BMERB1: variants seen among roughly 807,000 people sequenced by gnomAD.
The protein encoded by BMERB1 is bMERB domain containing 1, also known as bMERB domain-containing protein 1.
BMERB1 carries 12 observed loss-of-function variants against 23.6 expected under a neutral mutation model. The ratio of observed to expected loss-of-function variants is 0.51; its 90% CI spans 0.33 to 0.82. BMERB1 has a LOEUF of 0.82. Ranked by LOEUF, BMERB1 falls within the 40% of genes least tolerant of loss-of-function variation. BMERB1 has a pLI of 0.03. For missense variants in BMERB1, 247 were observed against 255.4 expected, an observed-to-expected ratio of 0.97 and a Z score of 0.22; for synonymous variants, 122 against 96.6, an observed-to-expected ratio of 1.26 and a Z score of -1.54.
chr16:15,543,320 A>G (rs2052103981), intron 2 of BMERB1, among the ~76,000 whole-genome samples: 1 of 151,946 alleles, frequency 6.6e-6, no homozygotes, highest in Non-Finnish European at 1.5e-5. Flanking sequence ...AGGGCATAGG[A>G]TGGGGGCAGG....
In BMERB1 at chr16:15,498,545, G is replaced by A. The variant is rs554912198; in HGVS notation, c.107-16760G>A. On this transcript the variant is annotated intron_variant, in intron 1 of 5. Coordinates refer to ENST00000300006, the MANE Select transcript of BMERB1 (RefSeq NM_033201.3). ...TTTCAGATAAAAAGAGGAAAGGAAA[G>A]AAAGGAAAAAAGAAAGGAAAGGGGC... Among the ~76,000 whole-genome samples, 3 of 148,246 alleles carry A rather than the reference G, an allele frequency of 2.0e-5. No homozygotes were observed. In the East Asian group the frequency reaches 5.9e-4, roughly 29 times the overall value.
At chr16:15,554,403 A>G (rs2150967320) in intron 2 of BMERB1, among the ~76,000 whole-genome samples, 1 of 152,322 alleles carries the variant, frequency 6.6e-6, no homozygotes, top group South Asian at 2.1e-4. Context: ...AGAGCCTGAC[A>G]CCAATCATAT....
At chr16:15,549,540 G>C (rs555869971) in intron 2 of BMERB1, among the ~76,000 whole-genome samples, 1 of 151,572 alleles carries the variant, frequency 6.6e-6, no homozygotes, top group Non-Finnish European at 1.5e-5. Context: ...TTAGCTGGGC[G>C]TGGTGGCGGG....
At chr16:15,441,042 G>C (rs2150920696) in intron 1 of BMERB1, among the ~76,000 whole-genome samples, 1 of 152,270 alleles carries the variant, frequency 6.6e-6, no homozygotes, top group South Asian at 2.1e-4. Context: ...GAAGGCCAGG[G>C]TGGCTGGAAC....
At chr16:15,514,519 G>C (rs779720733) in intron 1 of BMERB1, among the ~76,000 whole-genome samples, 1 of 151,976 alleles carries the variant, frequency 6.6e-6, no homozygotes, top group Non-Finnish European at 1.5e-5. Context: ...AGCCAGGCGT[G>C]GTGGCCTCAC....
At chr16:15,553,200 G>A (rs1211641643) in intron 2 of BMERB1, among the ~76,000 whole-genome samples, 1 of 152,190 alleles carries the variant, frequency 6.6e-6, no homozygotes, top group Non-Finnish European at 1.5e-5. Context: ...TAGAGATGGA[G>A]TTTCGCCATG....
At chr16:15,465,230 C>T (rs2051170762) in intron 1 of BMERB1, among the ~76,000 whole-genome samples, 1 of 152,172 alleles carries the variant, frequency 6.6e-6, no homozygotes, top group Non-Finnish European at 1.5e-5. Context: ...TTTAGGACCT[C>T]TCTGACATAC....
chr16:15,481,233 A>C (rs897554967), intron 1 of BMERB1, among the ~76,000 whole-genome samples: 2 of 152,112 alleles, frequency 1.3e-5, no homozygotes, highest in African/African-American at 4.8e-5. Context: ...AAAAATAATA[A>C]TACAAAAACT....
At chr16:15,508,549 G>A (rs2051620137) in intron 1 of BMERB1, among the ~76,000 whole-genome samples, 1 of 152,132 alleles carries the variant, frequency 6.6e-6, no homozygotes, top group South Asian at 2.1e-4. Flanking sequence ...GACTAAATGA[G>A]ATGAGATTCA....
intron 1 of BMERB1, among the ~76,000 whole-genome samples, chr16:15,497,310 C>CA (rs747793194): frequency 1.3e-5 from 2 of 152,066 alleles, no homozygotes; most frequent in African/African-American, 2.4e-5. Context: ...GAACTTGGGA[C>CA]GGGCAAGGAA....
chr16:15,478,864 C>A (rs2051295426), intron 1 of BMERB1, among the ~76,000 whole-genome samples: 1 of 152,180 alleles, frequency 6.6e-6, no homozygotes, highest in African/African-American at 2.4e-5. Context: ...CCAAGTATGT[C>A]TTTGAGCTCT....
At chr16:15,465,519 A>G (rs375241383) in intron 1 of BMERB1, among the ~76,000 whole-genome samples, 12 of 151,790 alleles carry the variant, frequency 7.9e-5, no homozygotes, top group African/African-American at 2.9e-4. Flanking sequence ...TTCCAGGCCA[A>G]TTTTTGTATT....
At chr16:15,554,026 C>G (rs2030171513) in intron 2 of BMERB1, among the ~76,000 whole-genome samples, 1 of 152,196 alleles carries the variant, frequency 6.6e-6, no homozygotes, top group South Asian at 2.1e-4. Flanking sequence ...TTCATTGTCA[C>G]CTACCCTGGC....
intron 2 of BMERB1, among the ~76,000 whole-genome samples, chr16:15,537,681 C>G (rs1294472388): frequency 6.6e-6 from 1 of 151,342 alleles, no homozygotes; most frequent in African/African-American, 2.4e-5. Context: ...TTTTAAGAGA[C>G]GGGCTTTCAC....
At chr16:15,539,867 G>GAAAAT (rs1032931224) in intron 2 of BMERB1, among the ~76,000 whole-genome samples, 4 of 151,478 alleles carry the variant, frequency 2.6e-5, no homozygotes, top group African/African-American at 9.7e-5. Flanking sequence ...AAAAGAAAAA[G>GAAAAT]AATTTATTTT....
At chr16:15,565,901 G>A (rs1343484236) in intron 2 of BMERB1, among the ~76,000 whole-genome samples, 2 of 152,150 alleles carry the variant, frequency 1.3e-5, no homozygotes, top group African/African-American at 4.8e-5. Flanking sequence ...ATGTGAACCT[G>A]TGTATCACGG....
At chr16:15,552,091 A>G (rs552234537) in intron 2 of BMERB1, among the ~76,000 whole-genome samples, 1 of 152,208 alleles carries the variant, frequency 6.6e-6, no homozygotes, top group East Asian at 1.9e-4. Flanking sequence ...GGGCCCTCCA[A>G]GGGAAGGACT....
chr16:15,581,199 T>A lies in BMERB1; in HGVS notation c.305-18T>A. On this transcript the variant is annotated intron_variant, in intron 3 of 5. Transcript: ENST00000300006. ...CCCAAAATGCTCATCTGTCTCCTTGTTGATGTCTTCTTTCCAGAAAAAGAA... is the reference window on the plus strand; with the variant it reads ...CCCAAAATGCTCATCTGTCTCCTTGATGATGTCTTCTTTCCAGAAAAAGAA... 5.0e-6 allele frequency: 8 copies of A among 1,589,310 alleles called. No individual in the cohort carries two copies. The highest frequency in any genetic ancestry group is 6.9e-6 in the Non-Finnish European group (8 of 1,164,734).
chr16:15,553,143 GA>G (rs2030144406), intron 2 of BMERB1, among the ~76,000 whole-genome samples: 2 of 152,296 alleles, frequency 1.3e-5, no homozygotes, highest in South Asian at 4.1e-4. Flanking sequence ...GAGTAACTGG[GA>G]TCACAGGCAT....
Sources: allele counts gnomAD v4.1 joint callset (sites outside exome capture counted in the v4.1 genomes callset), GRCh38; gene constraint gnomAD v4.1.1; transcripts MANE v1.5; gene names NCBI Gene and HGNC (gene_info 2026-07-23, HGNC 2026-07-21).